Variants in KIAA1217 observed in about 807,000 individuals in gnomAD.
KIAA1217 encodes KIAA1217.
In KIAA1217, 88 loss-of-function variants were observed where a neutral mutation model predicts 163.9. That is an observed-to-expected ratio of 0.54 (90% CI 0.45 to 0.64). The LOEUF (loss-of-function observed/expected upper bound fraction) is 0.64, where lower values mean the gene tolerates loss of function less well. KIAA1217 is among the 30% of genes least tolerant of loss of function. The pLI is 0.00. For synonymous variants in KIAA1217, 903 were observed against 923.1 expected (o/e 0.98, Z 0.39); for missense variants, 2,372 against 2,475.0 (o/e 0.96, Z 0.88).
At chr10:24,206,035 A>C (rs1421892513), upstream of KIAA1217, among the ~76,000 whole-genome samples, 2 of 152,216 alleles carry the variant, frequency 1.3e-5, no homozygotes, top group Non-Finnish European at 2.9e-5. Flanking sequence ...CTTTCCTTTT[A>C]AATGACATTT....
chr10:24,384,636 A>G (rs1384723520), intron 3 of KIAA1217, among the ~76,000 whole-genome samples: 1 of 151,752 alleles, frequency 6.6e-6, no homozygotes, highest in Non-Finnish European at 1.5e-5. Flanking sequence ...TCCCGGGTTC[A>G]CGCCATTCTC....
At chr10:24,010,474 G>A (rs140279604) in intron 2 of KIAA1217, among the ~76,000 whole-genome samples, 12 of 138,484 alleles carry the variant, frequency 8.7e-5, no homozygotes, top group South Asian at 4.7e-4. Context: ...ATAACTGATC[G>A]ATCCTTTTTT....
intron 2 of KIAA1217, among the ~76,000 whole-genome samples, chr10:24,141,677 A>G (rs1265694682): frequency 2.6e-5 from 4 of 152,218 alleles, no homozygotes; most frequent in African/African-American, 9.6e-5. Context: ...GTGCAAACAC[A>G]GGACAGACGC....
chr10:24,074,703 CTTTT>C lies in KIAA1217; in HGVS notation c.-171+67344_-171+67347del, dbSNP rs35168053. Among the ~76,000 whole-genome samples, 641 of 99,468 alleles carry C rather than the reference CTTTT, an allele frequency of 6.4e-3. 3 individuals are homozygous for C. Among genetic ancestry groups the C allele is most frequent in the African/African-American group, 0.018 (586 of 31,842 alleles). 65.3% of individuals were successfully genotyped at this position (99,468 alleles called of 152,430 possible). On this transcript the variant is annotated intron_variant, in intron 2 of 18. Transcript: ENST00000376462. Reference sequence around the variant, plus strand: ...TCTTCCTCTTCCTCTTCTTCTTCTTCTTTTTTTTTTTTTTTTTTGAGATAGAGTC... The same window carrying C: ...TCTTCCTCTTCCTCTTCTTCTTCTTCTTTTTTTTTTTTTTGAGATAGAGTC...
intron 1 of KIAA1217, among the ~76,000 whole-genome samples, chr10:23,861,588 G>A (rs1839951661): frequency 6.6e-6 from 1 of 152,192 alleles, no homozygotes; most frequent in African/African-American, 2.4e-5. Flanking sequence ...GTTTGGATTA[G>A]AGAGATGTGG....
At chr10:24,033,902 T>TTGGCTCCTTA (rs1300320455) in intron 2 of KIAA1217, among the ~76,000 whole-genome samples, 1 of 152,192 alleles carries the variant, frequency 6.6e-6, no homozygotes, top group East Asian at 1.9e-4. Flanking sequence ...GCCATACAGT[T>TTGGCTCCTTA]CAAAAAGCTG....
intron 20 of KIAA1217, 56 bp from the exon 21 acceptor site, chr10:24,545,771 G>A: frequency 6.5e-7 from 1 of 1,541,034 alleles, no homozygotes; most frequent in East Asian, 2.3e-5. Flanking sequence ...AGGCCCTGTG[G>A]GTTGATCATG....
chr10:23,891,920 C>G (rs966045995), intron 1 of KIAA1217, among the ~76,000 whole-genome samples: 4 of 151,864 alleles, frequency 2.6e-5, no homozygotes, highest in African/African-American at 9.7e-5. Flanking sequence ...CATTAAGTAT[C>G]AACTACTCAT....
intron 1 of KIAA1217, among the ~76,000 whole-genome samples, chr10:23,901,490 A>T (rs1313137069): frequency 1.3e-5 from 2 of 152,144 alleles, no homozygotes; most frequent in Non-Finnish European, 2.9e-5. Flanking sequence ...AATGTGTAAA[A>T]TATGGCAAAA....
chr10:23,845,824 T>G lies in KIAA1217; in HGVS notation c.-321+150590T>G, dbSNP rs546096883. ...CTTTGCCCATGCCTATGTCCTGAAT[T>G]TTATTGCCTAGGTTTTCTTCTAGGA... On this transcript the variant is annotated intron_variant, in intron 1 of 18. Coordinates refer to the KIAA1217 transcript ENST00000376462. 4.1e-4 allele frequency among the ~76,000 whole-genome samples: 62 copies of G among 152,158 alleles called. 1 individual carries two copies. In the South Asian group the frequency reaches 0.011, roughly 26 times the overall value.
intron 1 of KIAA1217, among the ~76,000 whole-genome samples, chr10:23,942,851 T>G (rs1211203353): frequency 6.6e-6 from 1 of 151,478 alleles, no homozygotes; most frequent in African/African-American, 2.4e-5. Context: ...CTCATGCCTG[T>G]AGTGCCAGCA....
chr10:23,901,042 A>G (rs1363494901), intron 1 of KIAA1217, among the ~76,000 whole-genome samples: 1 of 152,116 alleles, frequency 6.6e-6, no homozygotes, highest in Admixed American at 6.6e-5. Context: ...ATTTTGACCC[A>G]TCTTGTTCTA....
chr10:24,299,195 C>T (rs919077002), intron 2 of KIAA1217, among the ~76,000 whole-genome samples: 1 of 152,128 alleles, frequency 6.6e-6, no homozygotes, highest in Non-Finnish European at 1.5e-5. Context: ...TACAATTGCT[C>T]ATGGCTAGAT....
rs746635402 is a variant in KIAA1217, at chr10:24,543,159, G to A, written c.3889G>A (p.Glu1297Lys). The change falls in exon 19 of 21, where the codon GAG becomes AAG. Residue 1297 changes from glutamate (E) to lysine (K), a missense_variant. Glu to Lys is a moderately conservative substitution (Grantham distance 56). Coordinates refer to ENST00000376454, the MANE Select transcript of KIAA1217 (RefSeq NM_019590.5). ...CCTGCAATACTCTATACCTGACACC[G>A]AGAACCAGACGCTGAATTACGGAAA... Reference protein sequence around the residue: ...SGLQYSIPDTENQTLNYGKTK... With the variant: ...SGLQYSIPDTKNQTLNYGKTK... The A allele has an allele frequency of 1.9e-5, 30 of 1,613,318 alleles. No individual in the cohort carries two copies. Among genetic ancestry groups the A allele is most frequent in the South Asian group, 5.5e-5 (5 of 91,038 alleles).
At chr10:23,866,360 G>A (rs927889507) in intron 1 of KIAA1217, among the ~76,000 whole-genome samples, 2 of 152,110 alleles carry the variant, frequency 1.3e-5, no homozygotes, top group African/African-American at 4.8e-5. Context: ...TGATTCAAAA[G>A]CATTCTAATA....
At chr10:24,511,152 C>CAAAAAAAAA (rs58529942) in intron 9 of KIAA1217, among the ~76,000 whole-genome samples, 848 of 34,476 alleles carry the variant, frequency 0.025, 147 homozygotes, top group East Asian at 0.13. Flanking sequence ...GACTCTGTCT[C>CAAAAAAAAA]AAAAAAAAAA....
At chr10:24,284,419 G>A (rs1236082555) in intron 2 of KIAA1217, among the ~76,000 whole-genome samples, 1 of 152,036 alleles carries the variant, frequency 6.6e-6, no homozygotes, top group East Asian at 1.9e-4. Flanking sequence ...AGTGTCTGTT[G>A]TTCCCATATT....
intron 1 of KIAA1217, among the ~76,000 whole-genome samples, chr10:23,885,882 C>T (rs1488973505): frequency 6.6e-6 from 1 of 151,916 alleles, no homozygotes; most frequent in African/African-American, 2.4e-5. Context: ...CAATCAATTC[C>T]AAATTGAGCT....
intron 13 of KIAA1217, among the ~76,000 whole-genome samples, chr10:24,525,833 TA>T (rs2072060721): frequency 6.6e-6 from 1 of 151,240 alleles, no homozygotes; most frequent in African/African-American, 2.4e-5. Context: ...CCAAAAAAAA[TA>T]CAAAAATTAG....
Sources: gnomAD v4.1 joint callset for allele counts (sites outside exome capture counted in the v4.1 genomes callset) on GRCh38, gnomAD v4.1.1 for gene constraint, MANE v1.5 for transcripts, NCBI Gene and HGNC (gene_info 2026-07-23, HGNC 2026-07-21) for gene names.